CAPSL: variants seen among roughly 807,000 people sequenced by gnomAD.
CAPSL encodes the protein calcyphosin-like protein.
Under a neutral mutation model 21.3 loss-of-function variants are expected in CAPSL, and 17 were observed. That is an observed-to-expected ratio of 0.80 (90% CI 0.55 to 1.20). CAPSL has a LOEUF of 1.20. Among genes scored for constraint, CAPSL ranks in the 50% most tolerant of loss-of-function variants. The pLI, the probability that CAPSL is intolerant of heterozygous loss-of-function variation, is 0.00. For synonymous variants in CAPSL, 102 were observed against 89.3 expected, an observed-to-expected ratio of 1.14 and a Z score of -0.80; for missense variants, 289 against 259.3, an observed-to-expected ratio of 1.11 and a Z score of -0.79.
chr5:35,933,424 A>G (rs1439612877), intron 1 of CAPSL, among the ~76,000 whole-genome samples: 1 of 152,220 alleles, frequency 6.6e-6, no homozygotes, highest in African/African-American at 2.4e-5. Flanking sequence ...AGAAAAACCA[A>G]GATTCTGAGC....
chr5:35,912,945 A>T (rs1240733965), intron 2 of CAPSL, among the ~76,000 whole-genome samples: 1 of 152,170 alleles, frequency 6.6e-6, no homozygotes, highest in Non-Finnish European at 1.5e-5. Flanking sequence ...ATGGCAAAGA[A>T]GTTAAAAACC....
rs1349876953 is a variant in CAPSL, at chr5:35,909,854, T to C, written c.525+12A>G. On this transcript the variant is annotated intron_variant, in intron 4 of 4. Coordinates refer to ENST00000651391, the MANE Select transcript of CAPSL (RefSeq NM_001042625.2). ...TGAAGAAATTTCCCCTAGATTAGGC[T>C]CTTTTACTTACCAATCCATCTTTGT... 6.2e-7 allele frequency: 1 copy of C among 1,600,308 alleles called. No homozygotes were observed. The highest frequency in any genetic ancestry group is 8.5e-7 in the Non-Finnish European group (1 of 1,175,402).
chr5:35,911,908 A>T (rs1012155889), intron 2 of CAPSL, among the ~76,000 whole-genome samples: 3 of 152,172 alleles, frequency 2.0e-5, no homozygotes, highest in Non-Finnish European at 4.4e-5. Flanking sequence ...GAAGCAGGGC[A>T]AGGCATCGCC....
chr5:35,935,288 G>A (rs1304964642), intron 1 of CAPSL, among the ~76,000 whole-genome samples: 7 of 151,510 alleles, frequency 4.6e-5, no homozygotes, highest in South Asian at 2.1e-4. Context: ...TTGTTGTCTC[G>A]GCATTCCCTC....
At chr5:35,912,315 A>C (rs1738248534) in intron 2 of CAPSL, among the ~76,000 whole-genome samples, 1 of 152,260 alleles carries the variant, frequency 6.6e-6, no homozygotes, top group Non-Finnish European at 1.5e-5. Context: ...GGCAGCAGAA[A>C]CCTCTGCAGA....
intron 1 of CAPSL, among the ~76,000 whole-genome samples, chr5:35,922,979 C>G (rs1369879579): frequency 6.6e-6 from 1 of 152,154 alleles, no homozygotes; most frequent in East Asian, 1.9e-4. Context: ...CATCCCCACC[C>G]CAACCCCTAT....
chr5:35,914,906 T>C (rs1200380980), intron 2 of CAPSL, among the ~76,000 whole-genome samples: 3 of 152,030 alleles, frequency 2.0e-5, no homozygotes, highest in Admixed American at 6.6e-5. Context: ...CTTCAAAAAA[T>C]CATTAAATCC....
chr5:35,921,464 A>G (rs1373082566), intron 1 of CAPSL, among the ~76,000 whole-genome samples: 3 of 152,168 alleles, frequency 2.0e-5, no homozygotes, highest in Non-Finnish European at 2.9e-5. Context: ...ATATTATTTT[A>G]TGTAGAATTT....
At chr5:35,933,701 A>G (rs530994435) in intron 1 of CAPSL, among the ~76,000 whole-genome samples, 1 of 152,312 alleles carries the variant, frequency 6.6e-6, no homozygotes, top group South Asian at 2.1e-4. Flanking sequence ...TGCAGAGGGG[A>G]CACACACTAA....
At chr5:35,924,312 G>T (rs1738611670) in intron 1 of CAPSL, among the ~76,000 whole-genome samples, 1 of 152,150 alleles carries the variant, frequency 6.6e-6, no homozygotes, top group African/African-American at 2.4e-5. Context: ...AAAAGTCCTG[G>T]CCAAGACCAA....
intron 2 of CAPSL, among the ~76,000 whole-genome samples, chr5:35,916,036 T>C (rs966282154): frequency 3.3e-5 from 5 of 152,016 alleles, no homozygotes; most frequent in African/African-American, 1.2e-4. Context: ...AAAATCAATG[T>C]GCAAAAATCG....
intron 2 of CAPSL, among the ~76,000 whole-genome samples, chr5:35,914,359 C>G (rs1283914640): frequency 6.6e-6 from 1 of 152,122 alleles, no homozygotes; most frequent in Non-Finnish European, 1.5e-5. Context: ...CCAAGCGGAC[C>G]TAATAGACAT....
At chr5:35,936,515 C>T (rs1278096039) in intron 1 of CAPSL, among the ~76,000 whole-genome samples, 1 of 152,220 alleles carries the variant, frequency 6.6e-6, no homozygotes, top group Non-Finnish European at 1.5e-5. Context: ...GTCATTCCAA[C>T]AAATATACTC....
At position 35,932,459 on chromosome 5, in the gene CAPSL, G is replaced by A. The variant is rs915299175; in HGVS notation, c.-1+6082C>T. ...AAAGGCAAGAAGGATGCTCTTCCCA[G>A]CGAAATCAGCTCTTTCTGAAGTGGT... On this transcript the variant is annotated intron_variant, in intron 1 of 4. Coordinates refer to ENST00000651391, the MANE Select transcript of CAPSL (RefSeq NM_001042625.2). 5.3e-5 allele frequency among the ~76,000 whole-genome samples: 8 copies of A among 152,266 alleles called. No homozygotes were observed. In the East Asian group the frequency reaches 1.5e-3, roughly 29 times the overall value.
At chr5:35,929,513 G>A (rs1008814082) in intron 1 of CAPSL, among the ~76,000 whole-genome samples, 1 of 151,950 alleles carries the variant, frequency 6.6e-6, no homozygotes, top group Non-Finnish European at 1.5e-5. Flanking sequence ...GGCTGGTCTC[G>A]AACTCCTGAC....
intron 1 of CAPSL, among the ~76,000 whole-genome samples, chr5:35,931,673 C>T (rs965151372): frequency 6.6e-6 from 1 of 152,120 alleles, no homozygotes; most frequent in Non-Finnish European, 1.5e-5. Flanking sequence ...GATGCAACAT[C>T]TTAAAGAAAC....
chr5:35,904,722 G>C (rs1366897622), intron 4 of CAPSL, 76 bp from the exon 5 acceptor site: 2 of 1,575,884 alleles, frequency 1.3e-6, no homozygotes, highest in East Asian at 4.5e-5. Flanking sequence ...TTGTGCACCT[G>C]TAAATAGAAG....
intron 4 of CAPSL, among the ~76,000 whole-genome samples, chr5:35,905,890 T>G (rs1760663708): frequency 6.6e-6 from 1 of 152,208 alleles, no homozygotes; most frequent in Non-Finnish European, 1.5e-5. Flanking sequence ...AATCAGAATC[T>G]CTGAAGCAGG....
intron 1 of CAPSL, among the ~76,000 whole-genome samples, chr5:35,934,506 T>C (rs956630357): frequency 6.6e-6 from 1 of 152,250 alleles, no homozygotes; most frequent in African/African-American, 2.4e-5. Context: ...CTTCCTTGCT[T>C]GCTGGCTTCC....
Sources: allele counts gnomAD v4.1 joint callset (sites outside exome capture counted in the v4.1 genomes callset), GRCh38; gene constraint gnomAD v4.1.1; transcripts MANE v1.5; gene names NCBI Gene and HGNC (gene_info 2026-07-23, HGNC 2026-07-21).